The following RIC8B variants were observed in gnomAD, a reference collection of about 807,000 sequenced individuals.
RIC8B encodes the protein chaperone Ric-8B.
In RIC8B, 16 loss-of-function variants were observed where a neutral mutation model predicts 57.5. That is an observed-to-expected ratio of 0.28 (90% CI 0.19 to 0.42). The LOEUF is 0.42. RIC8B is among the 10% of genes least tolerant of loss of function. The probability of loss-of-function intolerance (pLI) is 1.00; values close to 1 mark genes in which losing one functional copy is unlikely to be tolerated. For synonymous variants in RIC8B, 216 were observed against 250.8 expected (o/e 0.86, Z 1.31); for missense variants, 481 against 677.0 (o/e 0.71, Z 3.21).
At chr12:106,857,492 A>C (rs899384088) in intron 7 of RIC8B, among the ~76,000 whole-genome samples, 1 of 152,166 alleles carries the variant, frequency 6.6e-6, no homozygotes, top group Non-Finnish European at 1.5e-5. Flanking sequence ...TCCTCTGTTC[A>C]TAGTGCCCTC....
chr12:106,877,952 T>C lies in RIC8B; in HGVS notation c.1571+7010T>C, dbSNP rs1278402536. On this transcript the variant is annotated intron_variant, in intron 9 of 9. Transcript: ENST00000392837. ...GGTTTAGACAATTCCCAATTACCTT[T>C]ATAAAGTGGAAAGACATGGTGATGT... Among the ~76,000 whole-genome samples the C allele has an allele frequency of 2.0e-5, 3 of 152,136 alleles. No individual in the cohort carries two copies. In the East Asian group the frequency reaches 5.8e-4, roughly 29 times the overall value.
At position 106,867,978 on chromosome 12, in the gene RIC8B, C is replaced by G. The variant is rs1950210794; in HGVS notation, c.1452-2845C>G. On this transcript the variant is annotated intron_variant, in intron 8 of 9. Coordinates refer to ENST00000392837, the MANE Select transcript of RIC8B (RefSeq NM_001330145.2). This position sits in a 1 kb window ranked among gnomAD's most constrained non-coding sequence, Gnocchi z 4.3. The stretch of plus-strand genomic sequence containing the variant: ...TGAATTTCTGCCTTCTGCTTTTATA[C>G]TCAGATAGCAAGAATTGTGTTACTT... 6.6e-6 allele frequency among the ~76,000 whole-genome samples: 1 copy of G among 152,250 alleles called. No homozygotes were observed. Among genetic ancestry groups the G allele is most frequent in the Non-Finnish European group, 1.5e-5 (1 of 68,016 alleles).
chr12:106,842,939 C>T (rs2136422249), intron 5 of RIC8B, 122 bp downstream of exon 5: 3 of 591,552 alleles, frequency 5.1e-6, no homozygotes, highest in Non-Finnish European at 8.8e-6. Context: ...GACTGATGTG[C>T]TGCATAATTG....
chr12:106,853,469 T>C (rs1234071078), intron 7 of RIC8B, among the ~76,000 whole-genome samples: 3 of 120,210 alleles, frequency 2.5e-5, no homozygotes, highest in African/African-American at 9.8e-5. Flanking sequence ...TTTTTTTTTT[T>C]TTTTTTTTTT....
At chr12:106,850,143 A>T (rs1949401261) in intron 6 of RIC8B, among the ~76,000 whole-genome samples, 1 of 152,190 alleles carries the variant, frequency 6.6e-6, no homozygotes. Flanking sequence ...TCCTTATGAG[A>T]ATCTAATGCC....
At chr12:106,793,972 G>C (rs1364358979) in intron 2 of RIC8B, among the ~76,000 whole-genome samples, 1 of 151,990 alleles carries the variant, frequency 6.6e-6, no homozygotes, top group African/African-American at 2.4e-5. Context: ...CTGCCTGTAT[G>C]ACCAGATGTT....
chr12:106,798,791 G>GC (rs1458588479), intron 2 of RIC8B, among the ~76,000 whole-genome samples: 2 of 151,948 alleles, frequency 1.3e-5, no homozygotes, highest in African/African-American at 4.8e-5. Flanking sequence ...CCCACTTACT[G>GC]CCCAACACAT....
chr12:106,785,343 A>G (rs1220688343), intron 2 of RIC8B, among the ~76,000 whole-genome samples: 2 of 151,710 alleles, frequency 1.3e-5, no homozygotes, highest in Non-Finnish European at 2.9e-5. Flanking sequence ...GTGAATCCCT[A>G]CTCACCTCAG....
chr12:106,807,498 G>A (rs1183618892), intron 2 of RIC8B, among the ~76,000 whole-genome samples: 1 of 152,196 alleles, frequency 6.6e-6, no homozygotes, highest in Non-Finnish European at 1.5e-5. Flanking sequence ...GGATAAGACA[G>A]TGGAGAAGTC....
intron 5 of RIC8B, 43 bp from the exon 6 acceptor site, chr12:106,843,808 CA>C (rs1257803496): frequency 2.9e-6 from 4 of 1,357,264 alleles, no homozygotes; most frequent in Non-Finnish European, 4.0e-6. Context: ...CTGTTAGAAA[CA>C]AAACTAACGT....
chr12:106,850,267 T>C (rs996415067), intron 6 of RIC8B, among the ~76,000 whole-genome samples: 1 of 152,224 alleles, frequency 6.6e-6, no homozygotes, highest in Non-Finnish European at 1.5e-5. Context: ...GGTTGGGGAC[T>C]GCTGATTTAG....
chr12:106,849,569 A>G (rs1480517988), intron 6 of RIC8B, among the ~76,000 whole-genome samples: 4 of 152,040 alleles, frequency 2.6e-5, no homozygotes, highest in Non-Finnish European at 4.4e-5. Context: ...ACCAAGACTT[A>G]ACTGAATCAG....
rs371428855 is a variant in RIC8B at position 106,842,681 on chromosome 12, C to T, written c.929C>T (p.Thr310Met). The change falls in exon 5 of 10, where the codon ACG (threonine) becomes ATG (methionine). Residue 310 changes from threonine to methionine, a missense_variant. Physicochemically the swap from Thr to Met is moderately conservative, Grantham distance 81 (BLOSUM62 -1). Coordinates refer to ENST00000392837, the MANE Select transcript of RIC8B (RefSeq NM_001330145.2). ...CATGAAGAAACAGCCCAAGAGGCAACGACTCTAGATGAACTGCCCAGTAAT... is the reference window on the plus strand; with the variant it reads ...CATGAAGAAACAGCCCAAGAGGCAATGACTCTAGATGAACTGCCCAGTAAT... Reference protein sequence around the residue: ...LTHEETAQEATTLDELPSNKT... With the variant: ...LTHEETAQEAMTLDELPSNKT... 75 of 1,613,724 alleles carry T rather than the reference C, an allele frequency of 4.6e-5. No homozygotes were observed. Among genetic ancestry groups the T allele is most frequent in the East Asian group, 2.5e-4 (11 of 44,870 alleles).
At chr12:106,800,487 C>T (rs2044682366) in intron 2 of RIC8B, among the ~76,000 whole-genome samples, 1 of 152,148 alleles carries the variant, frequency 6.6e-6, no homozygotes, top group South Asian at 2.1e-4. Context: ...ACCTCCGGCA[C>T]CAGGGATTGC....
In RIC8B at chr12:106,814,666, G is replaced by T. The variant is rs1293896063; in HGVS notation, c.133-30G>T. 5 of 1,549,228 alleles carry T rather than the reference G, an allele frequency of 3.2e-6. No homozygotes were observed. In the Admixed American group the frequency reaches 8.1e-5, roughly 25 times the overall value. On this transcript the variant is annotated intron_variant, in intron 2 of 9. Transcript: ENST00000392837. ...TGTTAAGTCATTTGAGCCAAATAAT[G>T]ATTTTTGCATACTCGTTCTTGTTTT...
chr12:106,846,723 CAA>C (rs35399211), intron 6 of RIC8B, among the ~76,000 whole-genome samples: 4 of 120,518 alleles, frequency 3.3e-5, no homozygotes, highest in African/African-American at 3.0e-5. Flanking sequence ...ACAGAACAGC[CAA>C]AAAAAAAAAA....
chr12:106,883,296 G>A (rs1249539317), intron 9 of RIC8B, among the ~76,000 whole-genome samples: 1 of 152,088 alleles, frequency 6.6e-6, no homozygotes, highest in African/African-American at 2.4e-5. Context: ...TTGTTAATAT[G>A]TAGTGTCCAA....
At chr12:106,850,290 A>G (rs1000970074) in intron 6 of RIC8B, among the ~76,000 whole-genome samples, 2 of 152,262 alleles carry the variant, frequency 1.3e-5, no homozygotes, top group Non-Finnish European at 1.5e-5. Context: ...AGTCATCAGG[A>G]TGCAGAGACT....
At chr12:106,872,686 A>G (rs969680330) in intron 9 of RIC8B, among the ~76,000 whole-genome samples, 6 of 151,222 alleles carry the variant, frequency 4.0e-5, no homozygotes, top group South Asian at 2.1e-4. Flanking sequence ...AAAAAAAAAA[A>G]CAAACCCGAC....
Sources: gnomAD v4.1 joint callset for allele counts (sites outside exome capture counted in the v4.1 genomes callset) on GRCh38, gnomAD v4.1.1 for gene constraint, Gnocchi (gnomAD v3.1) non-coding constraint, MANE v1.5 for transcripts, NCBI Gene and HGNC (gene_info 2026-07-23, HGNC 2026-07-21) for gene names.